Variants in MOSPD3 observed in about 807,000 individuals in gnomAD.
The protein encoded by MOSPD3 is motile sperm domain containing 3.
In MOSPD3, 20 loss-of-function variants were observed where a neutral mutation model predicts 23.3. The ratio of observed to expected loss-of-function variants is 0.86; its 90% CI spans 0.61 to 1.25. The LOEUF (loss-of-function observed/expected upper bound fraction) is 1.25. MOSPD3 is among the 50% of genes most tolerant of loss of function. MOSPD3 has a pLI of 0.00. For missense variants in MOSPD3, 307 were observed against 315.7 expected (o/e 0.97, Z 0.21); for synonymous variants, 136 against 135.2 (o/e 1.01, Z -0.04).
At chr7:100,613,828 C>T (rs1802911329) in intron 3 of MOSPD3, 122 bp downstream of exon 3, 1 of 872,194 alleles carries the variant, frequency 1.1e-6, no homozygotes, top group Non-Finnish European at 1.7e-6. Context: ...TTGGTGGAAA[C>T]ATTCCTCCGA....
Position 100,613,599 on chromosome 7 carries a change from T to G in MOSPD3, c.404T>G (p.Leu135Arg). The change falls in exon 3 of 5, where the codon CTG becomes CGG. Residue 135 changes from leucine (L) to arginine (R), a missense_variant. By Grantham distance (102) the Leu-to-Arg change is moderately radical (BLOSUM62 -2). Transcript: ENST00000393950. Reference protein sequence around the residue: ...VVGRKDITSILRAPAYPLELQ... With the variant: ...VVGRKDITSIRRAPAYPLELQ... Reference sequence around the variant, plus strand: ...GGACGCAAGGACATTACCTCCATTCTGAGAGCCCCAGCGTACCCCCTTGAG... The same window carrying G: ...GGACGCAAGGACATTACCTCCATTCGGAGAGCCCCAGCGTACCCCCTTGAG... The G allele has an allele frequency of 6.2e-7, 1 of 1,614,170 alleles. No individual in the cohort carries two copies. Among genetic ancestry groups the G allele is most frequent in the Non-Finnish European group, 8.5e-7 (1 of 1,180,032 alleles).
chr7:100,612,863 C>T lies in MOSPD3; in HGVS notation c.72C>T (p.Ala24=), dbSNP rs1311928114. The T allele has an allele frequency of 1.2e-5, 19 of 1,612,720 alleles. No individual in the cohort carries two copies. Among genetic ancestry groups the T allele is most frequent in the Non-Finnish European group, 1.6e-5 (19 of 1,179,754 alleles). ...CCCCTGGGCGGGGGTCCCGGGGCGC[C>T]CCTCCTCCCTTGGGACCCGTTGTCC... The part of the protein sequence containing the change: ...PGPPGRGSRG[A]PPPLGPVVPV... The change falls in exon 1 of 5, where the codon GCC becomes GCT. Residue 24 remains alanine, a synonymous_variant. Transcript: ENST00000393950.
At chr7:100,613,773 G>T in intron 3 of MOSPD3, 67 bp downstream of exon 3, 1 of 1,377,902 alleles carries the variant, frequency 7.3e-7, no homozygotes, top group South Asian at 1.2e-5. Context: ...CTAGAGATGA[G>T]ATAAATTGGA....
At position 100,615,015 on chromosome 7, in the gene MOSPD3, G is replaced by A; in HGVS notation, c.660G>A (p.Val220=). The A allele has an allele frequency of 1.2e-6, 2 of 1,614,166 alleles. No individual in the cohort carries two copies. Among genetic ancestry groups the A allele is most frequent in the South Asian group, 1.1e-5 (1 of 91,088 alleles). The change falls in exon 4 of 5, where the codon GTG becomes GTA. Residue 220 remains valine, a synonymous_variant. Coordinates refer to ENST00000393950, the MANE Select transcript of MOSPD3 (RefSeq NM_023948.5). ...VLHVSLGQKL[V]AAYVLGLLTM... is the part of the protein sequence containing the mutation. ...ACGTCTCCCTGGGACAAAAGTTGGT[G>A]GCCGCCTACGTCTTGGGTGAGGACA...
In MOSPD3 at chr7:100,613,621, T is replaced by C. The variant is rs1291520104; in HGVS notation, c.426T>C (p.Leu142=). The C allele has an allele frequency of 1.2e-6, 2 of 1,614,118 alleles. No individual in the cohort carries two copies. Among genetic ancestry groups the C allele is most frequent in the South Asian group, 2.2e-5 (2 of 91,084 alleles). ...TTCTGAGAGCCCCAGCGTACCCCCT[T>C]GAGCTTCAGGGACAGCCAGATCCAG... is the stretch of plus-strand genomic sequence containing the variant. ...TSILRAPAYP[L]ELQGQPDPAP... Residue 142 remains leucine, a synonymous_variant, in exon 3 of 5, where the codon CTT becomes CTC. Coordinates refer to ENST00000393950, the MANE Select transcript of MOSPD3 (RefSeq NM_023948.5).
rs745935901 is a variant in MOSPD3 at position 100,613,566 on chromosome 7, G to A, written c.371G>A (p.Arg124Gln). The A allele has an allele frequency of 1.9e-6, 3 of 1,614,164 alleles. No individual in the cohort carries two copies. Among genetic ancestry groups the A allele is most frequent in the Admixed American group, 1.7e-5 (1 of 60,016 alleles). Reference protein sequence around the residue: ...IELSEEGAEGRVVGRKDITSI... With the variant: ...IELSEEGAEGQVVGRKDITSI... The stretch of plus-strand genomic sequence containing the variant: ...CTGTCTGAGGAAGGAGCTGAGGGCC[G>A]AGTGGTGGGACGCAAGGACATTACC... Residue 124 changes from arginine (R) to glutamine (Q), a missense_variant, in exon 3 of 5, where the codon CGA becomes CAA. Physicochemically the swap from Arg to Gln is conservative, Grantham distance 43. Transcript: ENST00000393950.
rs1294961302 is a variant in MOSPD3, at chr7:100,612,781, C to T, written c.-11C>T. 6.4e-7 allele frequency: 1 copy of T among 1,570,170 alleles called. No homozygotes were observed. Among genetic ancestry groups the T allele is most frequent in the Non-Finnish European group, 8.6e-7 (1 of 1,163,790 alleles). ...GCTCTGCCCTCGGATGTCCGACCGC[C>T]CAGAGCCTGCATGCGCCGTGGGGCG... On this transcript the variant is annotated 5_prime_UTR_variant, in exon 1 of 5. Transcript: ENST00000393950.
chr7:100,613,871 A>G, intron 3 of MOSPD3, 165 bp downstream of exon 3: 1 of 669,916 alleles, frequency 1.5e-6, no homozygotes, highest in South Asian at 1.9e-5. Context: ...GGGGGAAAAG[A>G]CTTACAGCTT....
rs753824294 is a variant in MOSPD3, at chr7:100,612,891, G to A, written c.100G>A (p.Val34Ile). 1.2e-5 allele frequency: 19 copies of A among 1,613,294 alleles called. No homozygotes were observed. The highest frequency in any genetic ancestry group is 1.6e-5 in the Non-Finnish European group (19 of 1,179,862). ...TCCTCCCTTGGGACCCGTTGTCCCG[G>A]TCCTGGTCTTTCCCCCGGATCTAGT... is the stretch of plus-strand genomic sequence containing the variant. The part of the protein sequence containing the change: ...APPPLGPVVP[V>I]LVFPPDLVFR... Residue 34 changes from valine (V) to isoleucine (I), a missense_variant, in exon 1 of 5, where the codon GTC becomes ATC. Transcript: ENST00000393950.
At chr7:100,612,369 G>C (rs932311716), upstream of MOSPD3, 3 of 154,258 alleles carry the variant, frequency 1.9e-5, no homozygotes, top group African/African-American at 7.2e-5. Context: ...AGGTCGCTCT[G>C]CAGGCGCCCG....
At position 100,614,992 on chromosome 7, in the gene MOSPD3, G is replaced by A. The variant is rs200250104; in HGVS notation, c.637G>A (p.Val213Ile). 127 of 1,614,158 alleles carry A rather than the reference G, an allele frequency of 7.9e-5. 2 individuals carry two copies. The highest frequency in any genetic ancestry group is 3.3e-4 in the Middle Eastern group (2 of 6,060). Residue 213 changes from valine (V) to isoleucine (I), a missense_variant, in exon 4 of 5, where the codon GTC becomes ATC. Coordinates refer to ENST00000393950, the MANE Select transcript of MOSPD3 (RefSeq NM_023948.5). ...LGSQLPQVLH[V>I]SLGQKLVAAY... is the part of the protein sequence containing the mutation. The stretch of plus-strand genomic sequence containing the variant: ...CAGCCAGCTGCCTCAAGTCCTGCAC[G>A]TCTCCCTGGGACAAAAGTTGGTGGC...
At chr7:100,613,387 C>A (rs1802891759) in intron 2 of MOSPD3, 90 bp from the exon 3 acceptor site, 8 of 1,555,096 alleles carry the variant, frequency 5.1e-6, no homozygotes, top group Non-Finnish European at 7.1e-6. Flanking sequence ...GCCTGTGCCC[C>A]TAAGGGAGAG....
chr7:100,613,744 G>A, intron 3 of MOSPD3, 38 bp downstream of exon 3: 1 of 1,541,328 alleles, frequency 6.5e-7, no homozygotes. Flanking sequence ...TCTGTAGGGA[G>A]GGAGGAACTA....
At chr7:100,615,088 A>C in intron 4 of MOSPD3, 57 bp downstream of exon 4, 3 of 1,614,122 alleles carry the variant, frequency 1.9e-6, no homozygotes, top group Non-Finnish European at 2.5e-6. Flanking sequence ...AAGGGACGGG[A>C]GGAGAGCTAA....
In MOSPD3 at chr7:100,613,251, C is replaced by G. The variant is rs1802885388; in HGVS notation, c.263C>G (p.Pro88Arg). 5 of 1,613,932 alleles carry G rather than the reference C, an allele frequency of 3.1e-6. No homozygotes were observed. The highest frequency in any genetic ancestry group is 3.3e-5 in the Admixed American group (2 of 59,984). ...TVFDAEGYVK[P>R]QSCIDIVIRH... ...TTTGACGCAGAGGGATATGTGAAGCCCCAGTCTTGCATTGACATGTGAGTG... is the reference window on the plus strand; with the variant it reads ...TTTGACGCAGAGGGATATGTGAAGCGCCAGTCTTGCATTGACATGTGAGTG... The change falls in exon 2 of 5, where the codon CCC becomes CGC. Residue 88 changes from proline to arginine, a missense_variant. Transcript: ENST00000393950.
At chr7:100,613,386 C>CAGAGA in intron 2 of MOSPD3, 91 bp from the exon 3 acceptor site, 2 of 1,549,260 alleles carry the variant, frequency 1.3e-6, no homozygotes, top group Non-Finnish European at 1.8e-6. Flanking sequence ...TGCCTGTGCC[C>CAGAGA]CTAAGGGAGA....
intron 3 of MOSPD3, 99 bp downstream of exon 3, chr7:100,613,805 AGTCTTTT>A: frequency 2.8e-6 from 3 of 1,089,430 alleles, no homozygotes; most frequent in Non-Finnish European, 4.0e-6. Context: ...CTCCTGGTTC[AGTCTTTT>A]GTCTTTTGGT....
At chr7:100,613,076 G>T (rs1802878978) in intron 1 of MOSPD3, 80 bp downstream of exon 1, 6 of 1,585,772 alleles carry the variant, frequency 3.8e-6, no homozygotes, top group South Asian at 3.3e-5. Flanking sequence ...GATGGGTAGG[G>T]TTGCACGTCC....
In MOSPD3 at chr7:100,612,588, G is replaced by A; in HGVS notation, c.-204G>A. ...CGGGTCCGAAGGAACCTGGGGCAGA[G>A]CTGGAAGAGGAAAGGTCTTGGGGGC... On this transcript the variant is annotated 5_prime_UTR_variant, in exon 1 of 5. Transcript: ENST00000393950. The A allele has an allele frequency of 2.0e-6, 1 of 489,316 alleles. No individual in the cohort carries two copies. Among genetic ancestry groups the A allele is most frequent in the Non-Finnish European group, 3.6e-6 (1 of 277,350 alleles). 30.3% of individuals were successfully genotyped at this position (489,316 alleles called of 1,614,324 possible).
Sources: allele counts gnomAD v4.1 joint callset, GRCh38; gene constraint gnomAD v4.1.1; transcripts MANE v1.5; gene names NCBI Gene and HGNC (gene_info 2026-07-23, HGNC 2026-07-21).